The following ZFP36L1 variants were observed in gnomAD, a reference collection of about 807,000 sequenced individuals.
The protein encoded by ZFP36L1 is ZFP36 like 1 zinc finger CCCH-type.
A neutral mutation model predicts 16.7 loss-of-function variants in ZFP36L1; 4 were observed. The ratio of observed to expected loss-of-function variants is 0.24; its 90% CI spans 0.12 to 0.55. ZFP36L1 has a LOEUF of 0.55. ZFP36L1 is among the 20% of genes least tolerant of loss of function. The pLI, the probability that ZFP36L1 is intolerant of heterozygous loss-of-function variation, is 0.94. For synonymous variants in ZFP36L1, 220 were observed against 190.8 expected, an observed-to-expected ratio of 1.15 and a Z score of -1.26; for missense variants, 311 against 449.2, an observed-to-expected ratio of 0.69 and a Z score of 2.78.
At position 68,789,496 on chromosome 14, in the gene ZFP36L1, G is replaced by C. The variant is rs757012672; in HGVS notation, c.*37C>G. ...GGTATGGGATGTGGGTGCAGGGTAGGGGCTGGAGTAGGCAGGAGGTCCCTC... is the reference window on the plus strand; with the variant it reads ...GGTATGGGATGTGGGTGCAGGGTAGCGGCTGGAGTAGGCAGGAGGTCCCTC... On this transcript the variant is annotated 3_prime_UTR_variant, in exon 2 of 2. Transcript: ENST00000439696. The surrounding 1 kb of genome is among the most constrained non-coding windows in gnomAD (Gnocchi z 4.5). 6.8e-6 allele frequency: 11 copies of C among 1,611,786 alleles called. No homozygotes were observed. The East Asian group carries it at 1.1e-4, about 16-fold the overall frequency.
chr14:68,790,990 A>T, intron 1 of ZFP36L1: 1 of 699,208 alleles, frequency 1.4e-6, no homozygotes, highest in South Asian at 1.5e-5. Flanking sequence ...GACCTGGCCT[A>T]AGACTCTCAA....
At position 68,787,907 on chromosome 14, in the gene ZFP36L1, C is replaced by A. The variant is rs920590995; in HGVS notation, c.*1626G>T. ...TGTGAGTGGAATGTCTTGAGATGGGCACGTGGAAGTCAAAGGGTTTCTCTT... is the reference window on the plus strand; with the variant it reads ...TGTGAGTGGAATGTCTTGAGATGGGAACGTGGAAGTCAAAGGGTTTCTCTT... On this transcript the variant is annotated 3_prime_UTR_variant, in exon 2 of 2. Coordinates refer to ENST00000439696, the MANE Select transcript of ZFP36L1 (RefSeq NM_004926.4). The A allele has an allele frequency of 6.6e-6, 1 of 150,766 alleles. No individual in the cohort carries two copies. Among genetic ancestry groups the A allele is most frequent in the Non-Finnish European group, 1.5e-5 (1 of 67,750 alleles). 9.3% of individuals were successfully genotyped at this position (150,766 alleles called of 1,614,324 possible).
At chr14:68,791,379 G>A in intron 1 of ZFP36L1, 1 of 449,082 alleles carries the variant, frequency 2.2e-6, no homozygotes, top group Non-Finnish European at 3.9e-6. Context: ...TGGGGGTGGT[G>A]GGGATGGGGG....
upstream of ZFP36L1, among the ~76,000 whole-genome samples, chr14:68,795,439 C>T (rs554275372): frequency 4.5e-4 from 69 of 152,058 alleles, no homozygotes; most frequent in African/African-American, 1.6e-3. Flanking sequence ...GCGGGCGGGG[C>T]CCCCTTCCCG....
rs1219336155 is a variant in ZFP36L1 at position 68,789,256 on chromosome 14, T to TA, written c.*276dup. 1 of 426,800 alleles carries TA rather than the reference T, an allele frequency of 2.3e-6. No individual in the cohort carries two copies. The highest frequency in any genetic ancestry group is 4.2e-6 in the Non-Finnish European group (1 of 238,414). The allele number at this position is 426,800 out of a possible 1,614,324, so 26.4% of individuals were successfully genotyped here. ...AAAAAAAAGGCATCTACTGACAAAA[T>TA]ATGGGACTTGTCTGTTATGCATGGT... On this transcript the variant is annotated 3_prime_UTR_variant, in exon 2 of 2. Transcript: ENST00000439696. This position sits in a 1 kb window ranked among gnomAD's most constrained non-coding sequence, Gnocchi z 4.5.
upstream of ZFP36L1, among the ~76,000 whole-genome samples, chr14:68,795,497 C>A (rs1306242604): frequency 1.3e-5 from 2 of 152,224 alleles, no homozygotes; most frequent in East Asian, 3.9e-4. Flanking sequence ...CTGCTTCGGG[C>A]GGCGCCGCTT....
intron 1 of ZFP36L1, chr14:68,790,926 T>A: frequency 3.4e-6 from 2 of 595,960 alleles, no homozygotes; most frequent in South Asian, 3.9e-5. Context: ...TATCATAGGC[T>A]ACGTTAGGTC....
upstream of ZFP36L1, chr14:68,793,985 C>G: frequency 1.0e-6 from 1 of 959,600 alleles, no homozygotes; most frequent in Non-Finnish European, 1.2e-6. Flanking sequence ...TTTACCAGGC[C>G]TAGGCGTGCC....
upstream of ZFP36L1, chr14:68,793,317 C>CT (rs754937520): frequency 0.16 from 92,824 of 586,922 alleles, no homozygotes; most frequent in Non-Finnish European, 0.18. Context: ...CCGCGCACAA[C>CT]TTTTTTTTTT....
At chr14:68,790,682 G>T (rs145856129) in intron 1 of ZFP36L1, among the ~76,000 whole-genome samples, 190 bp from the exon 2 acceptor site, 2 of 151,976 alleles carry the variant, frequency 1.3e-5, no homozygotes, top group African/African-American at 2.4e-5. Flanking sequence ...GGCCCCATGC[G>T]TAAGAAACCA....
chr14:68,790,002 C>T lies in ZFP36L1; in HGVS notation c.548G>A (p.Arg183His), dbSNP rs1219774160. Residue 183 changes from arginine to histidine, a missense_variant, in exon 2 of 2, where the codon CGT (arginine) becomes CAT (histidine). Physicochemically the swap from Arg to His is conservative, Grantham distance 29. Transcript: ENST00000439696. ...CHFIHNAEER[R>H]ALAGARDLSA... The stretch of plus-strand genomic sequence containing the variant: ...GAGGTCCCGGGCCCCGGCCAGGGCA[C>T]GGCGCTCTTCAGCGTTGTGGATGAA... 2.5e-6 allele frequency: 4 copies of T among 1,607,622 alleles called. No individual in the cohort carries two copies. Among genetic ancestry groups the T allele is most frequent in the South Asian group, 2.2e-5 (2 of 90,750 alleles).
upstream of ZFP36L1, chr14:68,795,671 C>T (rs544428430): frequency 4.8e-6 from 2 of 420,178 alleles, no homozygotes; most frequent in Admixed American, 2.9e-5. Flanking sequence ...CTCCGCAAGG[C>T]TGCGACTGGC....
intron 1 of ZFP36L1, among the ~76,000 whole-genome samples, chr14:68,792,639 C>T (rs529386971): frequency 2.0e-5 from 3 of 152,252 alleles, no homozygotes; most frequent in African/African-American, 4.8e-5. Context: ...GCCAGGCAAA[C>T]TTCGCCCCTC....
At chr14:68,795,143 T>C (rs1895213621), upstream of ZFP36L1, among the ~76,000 whole-genome samples, 2 of 152,202 alleles carry the variant, frequency 1.3e-5, no homozygotes, top group Non-Finnish European at 2.9e-5. Flanking sequence ...AAGTGGGTGT[T>C]GGGGCGGTGG....
At position 68,789,899 on chromosome 14, in the gene ZFP36L1, G is replaced by C. The variant is rs747138115; in HGVS notation, c.651C>G (p.Thr217=). 4 of 1,609,244 alleles carry C rather than the reference G, an allele frequency of 2.5e-6. No individual in the cohort carries two copies. Among genetic ancestry groups the C allele is most frequent in the Admixed American group, 3.3e-5 (2 of 59,996 alleles). The change falls in exon 2 of 2, where the codon ACC becomes ACG. Residue 217 remains threonine (T), a synonymous_variant. Transcript: ENST00000439696. This position sits in a 1 kb window ranked among gnomAD's most constrained non-coding sequence, Gnocchi z 4.5. ...TGGACGTGGGGCTGTCCAGCAGCCC[G>C]GTGGCAGCGGCGGTGGCAGCGGCAC... ...FPSAAATAAA[T]GLLDSPTSIT...
Position 68,789,391 on chromosome 14 carries a change from C to G in ZFP36L1, c.*142G>C. On this transcript the variant is annotated 3_prime_UTR_variant, in exon 2 of 2. Coordinates refer to ENST00000439696, the MANE Select transcript of ZFP36L1 (RefSeq NM_004926.4). The surrounding 1 kb of genome is among the most constrained non-coding windows in gnomAD (Gnocchi z 4.5). ...ATGAGGGGGAGAGGGAGGGCACATT[C>G]TGAGGTGCTGGGGGAAAGGGGTTGA... 1.6e-6 allele frequency: 2 copies of G among 1,283,506 alleles called. No homozygotes were observed. The highest frequency in any genetic ancestry group is 1.5e-5 in the African/African-American group (1 of 67,326). The allele number at this position is 1,283,506 out of a possible 1,614,324, so 79.5% of individuals were successfully genotyped here. A position where few individuals can be genotyped will look rare whatever the true frequency, so the allele number is the denominator to read the frequency against.
At chr14:68,796,139 G>A, upstream of ZFP36L1, 7 of 1,366,190 alleles carry the variant, frequency 5.1e-6, no homozygotes, top group Non-Finnish European at 6.8e-6. Context: ...CGACTTCCGG[G>A]CCCTCCCCAT....
At position 68,788,431 on chromosome 14, in the gene ZFP36L1, G is replaced by C. The variant is rs1222013871; in HGVS notation, c.*1102C>G. 6.5e-6 allele frequency: 1 copy of C among 152,682 alleles called. No homozygotes were observed. Among genetic ancestry groups the C allele is most frequent in the Non-Finnish European group, 1.5e-5 (1 of 68,024 alleles). The allele number at this position is 152,682 out of a possible 1,614,324, so 9.5% of individuals were successfully genotyped here. ...AATTTTTGCTCTCCAATTTCTGAAA[G>C]TTATATGAAGTTTAAAACCCAGGGA... On this transcript the variant is annotated 3_prime_UTR_variant, in exon 2 of 2. Coordinates refer to ENST00000439696, the MANE Select transcript of ZFP36L1 (RefSeq NM_004926.4).
upstream of ZFP36L1, among the ~76,000 whole-genome samples, chr14:68,795,346 C>T (rs1222843999): frequency 7.2e-6 from 1 of 138,584 alleles, no homozygotes; most frequent in Non-Finnish European, 1.6e-5. Flanking sequence ...GCCGGCTGGT[C>T]TTTAACTCCC....
Sources: gnomAD v4.1 joint callset for allele counts (sites outside exome capture counted in the v4.1 genomes callset) on GRCh38, gnomAD v4.1.1 for gene constraint, Gnocchi (gnomAD v3.1) non-coding constraint, MANE v1.5 for transcripts, NCBI Gene and HGNC (gene_info 2026-07-23, HGNC 2026-07-21) for gene names.